DACH2: variants seen among roughly 807,000 people sequenced by gnomAD.
DACH2 encodes the protein dachshund family transcription factor 2.
DACH2 carries 17 observed loss-of-function variants against 35.8 expected under a neutral mutation model. The ratio of observed to expected loss-of-function variants is 0.48; its 90% CI spans 0.33 to 0.71. The LOEUF (loss-of-function observed/expected upper bound fraction) is 0.71, where lower values mean the gene tolerates loss of function less well. Ranked by LOEUF, DACH2 falls within the 30% of genes least tolerant of loss-of-function variation. The probability of loss-of-function intolerance (pLI) is 0.02; values close to 1 mark genes in which losing one functional copy is unlikely to be tolerated. For synonymous variants in DACH2, 195 were observed against 177.3 expected, an observed-to-expected ratio of 1.10 and a Z score of -0.79; for missense variants, 469 against 472.7, an observed-to-expected ratio of 0.99 and a Z score of 0.07.
intron 4 of DACH2, among the ~76,000 whole-genome samples, chrX:86,683,764 C>T (rs1289937450): frequency 9.0e-6 from 1 of 111,160 alleles, no homozygotes; most frequent in African/African-American, 3.3e-5. Flanking sequence ...CTTGATATGT[C>T]TAGATATTGT....
intron 1 of DACH2, among the ~76,000 whole-genome samples, chrX:86,294,500 C>G (rs2034395963): frequency 9.0e-6 from 1 of 110,915 alleles, no homozygotes; most frequent in Admixed American, 9.6e-5. Flanking sequence ...GAGAGTCGCT[C>G]TGCTTTTTAG....
At chrX:86,489,440 A>G (rs1160935285) in intron 2 of DACH2, among the ~76,000 whole-genome samples, 1 of 111,335 alleles carries the variant, frequency 9.0e-6, no homozygotes, top group Non-Finnish European at 1.9e-5. Flanking sequence ...AATAATATAA[A>G]TTATAGATTT....
At chrX:86,596,924 G>C (rs906311735) in intron 3 of DACH2, among the ~76,000 whole-genome samples, 1 of 110,765 alleles carries the variant, frequency 9.0e-6, no homozygotes, top group Non-Finnish European at 1.9e-5. Context: ...TATCAATGTT[G>C]TTGAAAGTCA....
chrX:86,477,370 A>ATATAT (rs1491178969), intron 2 of DACH2, among the ~76,000 whole-genome samples: 4 of 85,092 alleles, frequency 4.7e-5, no homozygotes, highest in Non-Finnish European at 7.1e-5. Context: ...ATATATATAT[A>ATATAT]ATTGTTATAT....
intron 1 of DACH2, among the ~76,000 whole-genome samples, chrX:86,203,482 T>C (rs2032207050): frequency 9.0e-6 from 1 of 111,536 alleles, no homozygotes; most frequent in South Asian, 3.7e-4. Flanking sequence ...ATTTATTTTT[T>C]ACATCGACAT....
intron 3 of DACH2, among the ~76,000 whole-genome samples, chrX:86,598,771 T>C (rs2039745468): frequency 9.2e-6 from 1 of 108,711 alleles, no homozygotes; most frequent in Non-Finnish European, 1.9e-5. Context: ...GTTAGCCTCC[T>C]TAGGGAGAGC....
intron 4 of DACH2, among the ~76,000 whole-genome samples, chrX:86,679,616 CTGTGTGTG>C (rs67988965): frequency 1.2e-3 from 114 of 96,101 alleles, no homozygotes; most frequent in Middle Eastern, 5.2e-3. Flanking sequence ...CTCTCTGTCT[CTGTGTGTG>C]TGTGTGTGTG....
chrX:86,227,464 A>T (rs2032850320), intron 1 of DACH2, among the ~76,000 whole-genome samples: 1 of 110,724 alleles, frequency 9.0e-6, no homozygotes, highest in Admixed American at 9.7e-5. Context: ...TTTCAGCCAT[A>T]CTCTCTATGG....
At chrX:86,160,805 G>A (rs1219151665) in intron 1 of DACH2, 15 of 475,289 alleles carry the variant, frequency 3.2e-5, no homozygotes, top group Middle Eastern at 6.0e-4. Context: ...TTGTAACATC[G>A]ACTGCAGCAA....
At chrX:86,555,909 T>C (rs761032823) in intron 3 of DACH2, among the ~76,000 whole-genome samples, 1 of 111,483 alleles carries the variant, frequency 9.0e-6, no homozygotes, top group Admixed American at 9.6e-5. Context: ...AAGCCCATCA[T>C]GGTTACTCAG....
At chrX:86,758,543 C>A (rs2147280282) in intron 7 of DACH2, among the ~76,000 whole-genome samples, 1 of 111,654 alleles carries the variant, frequency 9.0e-6, no homozygotes, top group Middle Eastern at 4.7e-3. Context: ...CCAAAAAGTT[C>A]ATTTTATTAT....
At chrX:86,461,941 T>G (rs759194665) in intron 2 of DACH2, among the ~76,000 whole-genome samples, 34 of 111,237 alleles carry the variant, frequency 3.1e-4, no homozygotes, top group African/African-American at 1.1e-3. Context: ...CTCTGTTACC[T>G]GTGGAAAAAA....
intron 4 of DACH2, among the ~76,000 whole-genome samples, chrX:86,662,904 G>T (rs946382314): frequency 2.7e-5 from 3 of 110,951 alleles, no homozygotes; most frequent in African/African-American, 6.6e-5. Context: ...ATATTTATGC[G>T]CTATACACAT....
At chrX:86,634,102 A>T (rs2040234384) in intron 3 of DACH2, among the ~76,000 whole-genome samples, 1 of 110,612 alleles carries the variant, frequency 9.0e-6, no homozygotes, top group South Asian at 3.8e-4. Context: ...GCTCAGCAGG[A>T]GAGAGAGAGC....
chrX:86,420,011 C>T (rs538877818), intron 2 of DACH2, among the ~76,000 whole-genome samples: 1 of 111,784 alleles, frequency 8.9e-6, no homozygotes, highest in Non-Finnish European at 1.9e-5. Context: ...CACGTTGAAG[C>T]GTTATTGTGA....
intron 2 of DACH2, among the ~76,000 whole-genome samples, chrX:86,440,420 A>G (rs1436534402): frequency 9.0e-6 from 1 of 111,679 alleles, no homozygotes; most frequent in African/African-American, 3.2e-5. Context: ...AATAAAATTA[A>G]TATGGCAACT....
intron 2 of DACH2, among the ~76,000 whole-genome samples, chrX:86,455,111 G>A (rs1177189254): frequency 9.0e-6 from 1 of 110,537 alleles, no homozygotes; most frequent in Non-Finnish European, 1.9e-5. Context: ...TGACACCAGT[G>A]AAGGCTGTGA....
chrX:86,169,785 C>T (rs180984895), intron 1 of DACH2, among the ~76,000 whole-genome samples: 63 of 111,241 alleles, frequency 5.7e-4, no homozygotes, highest in African/African-American at 2.0e-3. Context: ...TTCCTCAACA[C>T]GGCTATTTTG....
chrX:86,813,203 G>A lies in DACH2; in HGVS notation c.1463G>A (p.Arg488Gln), dbSNP rs1169916424. The A allele has an allele frequency of 6.6e-6, 8 of 1,206,442 alleles. No homozygotes were observed. The highest frequency in any genetic ancestry group is 2.2e-5 in the Admixed American group (1 of 45,432). ...ATTCAACAAGAAAAGAAGGAGCTGCGACTGGAGCTCTATAGAGAGAGAGAA... is the reference window on the plus strand; with the variant it reads ...ATTCAACAAGAAAAGAAGGAGCTGCAACTGGAGCTCTATAGAGAGAGAGAA... ...KQIQQEKKEL[R>Q]LELYREREIR... The change falls in exon 9 of 12, where the codon CGA becomes CAA. Residue 488 changes from arginine to glutamine, a missense_variant. Around this residue, in one of 3 missense-constraint regions of DACH2, gnomAD observed 363 missense variants for 334.4 expected, o/e 1.09. Transcript: ENST00000373125.
Sources: gnomAD v4.1 joint callset for allele counts (sites outside exome capture counted in the v4.1 genomes callset) on GRCh38, gnomAD v4.1.1 for gene constraint, gnomAD v4.1.1 regional missense constraint, MANE v1.5 for transcripts, NCBI Gene and HGNC (gene_info 2026-07-23, HGNC 2026-07-21) for gene names.